The following LAIR2 variants were observed in gnomAD, a reference collection of about 807,000 sequenced individuals.
The protein encoded by LAIR2 is leukocyte-associated immunoglobulin-like receptor 2.
LAIR2 carries 14 observed loss-of-function variants against 14.8 expected under a neutral mutation model. That is an observed-to-expected ratio of 0.95 (90% CI 0.62 to 1.48). LAIR2 has a LOEUF of 1.48. Ranked by LOEUF, LAIR2 falls within the 40% of genes most tolerant of loss-of-function variation. The probability of loss-of-function intolerance (pLI) is 0.00; values close to 1 mark genes in which losing one functional copy is unlikely to be tolerated. For missense variants in LAIR2, 172 were observed against 180.9 expected, an observed-to-expected ratio of 0.95 and a Z score of 0.28; for synonymous variants, 75 against 74.5, an observed-to-expected ratio of 1.01 and a Z score of -0.03.
intron 1 of LAIR2, among the ~76,000 whole-genome samples, chr19:54,503,276 C>A (rs1386695121): frequency 2.0e-5 from 3 of 151,834 alleles, no homozygotes; most frequent in Admixed American, 2.0e-4. Flanking sequence ...GCCTGGCCAA[C>A]GTGGTGAAAC....
At chr19:54,510,368 T>C (rs1313258967) in intron 4 of LAIR2, among the ~76,000 whole-genome samples, 158 bp from the exon 5 acceptor site, 1 of 151,384 alleles carries the variant, frequency 6.6e-6, no homozygotes, top group African/African-American at 2.4e-5. Flanking sequence ...TGTCCCAAAT[T>C]CCTCATGTGA....
intron 2 of LAIR2, among the ~76,000 whole-genome samples, chr19:54,505,640 C>G (rs576926890): frequency 1.8e-4 from 28 of 152,028 alleles, no homozygotes; most frequent in African/African-American, 6.8e-4. Flanking sequence ...AGAGCCCTTC[C>G]CCTGTTTATC....
chr19:54,504,738 T>G (rs1266902554), intron 2 of LAIR2, among the ~76,000 whole-genome samples: 2 of 152,116 alleles, frequency 1.3e-5, no homozygotes, highest in African/African-American at 4.8e-5. Flanking sequence ...GCCTCTCGAG[T>G]AGCTGGGATT....
intron 2 of LAIR2, 67 bp downstream of exon 2, chr19:54,503,802 G>A: frequency 6.2e-7 from 1 of 1,607,296 alleles, no homozygotes; most frequent in Non-Finnish European, 8.5e-7. Context: ...CTGGGTGGGA[G>A]TGATGTTGAT....
intron 2 of LAIR2, among the ~76,000 whole-genome samples, chr19:54,507,506 C>T (rs2085386733): frequency 6.6e-6 from 1 of 152,124 alleles, no homozygotes; most frequent in South Asian, 2.1e-4. Context: ...CTTCCCTGTC[C>T]CTTGTCCTTC....
intron 1 of LAIR2, among the ~76,000 whole-genome samples, chr19:54,503,464 A>ACAC (rs113252011): frequency 1.5e-4 from 22 of 148,148 alleles, no homozygotes; most frequent in South Asian, 6.5e-4. Flanking sequence ...GTCTCCAACA[A>ACAC]CACCAAAAAG....
In LAIR2 at chr19:54,510,593, T is replaced by C. The variant is rs1339928296; in HGVS notation, c.*24T>C. 3.1e-6 allele frequency: 5 copies of C among 1,613,566 alleles called. No homozygotes were observed. The South Asian group carries it at 5.5e-5, about 18-fold the overall frequency. On this transcript the variant is annotated 3_prime_UTR_variant, in exon 5 of 5. Transcript: ENST00000301202. The stretch of plus-strand genomic sequence containing the variant: ...GAATGAGGAGAAATGGCCTCCCGTC[T>C]TGTGAACTTCAATGGGGAGAAATAA...
chr19:54,508,779 C>G (rs1194827750), intron 3 of LAIR2, among the ~76,000 whole-genome samples: 1 of 152,300 alleles, frequency 6.6e-6, no homozygotes, highest in Non-Finnish European at 1.5e-5. Context: ...TCATGTCCCC[C>G]CAGGACCTCA....
chr19:54,505,184 C>A (rs1478252270), intron 2 of LAIR2, among the ~76,000 whole-genome samples: 1 of 152,152 alleles, frequency 6.6e-6, no homozygotes. Flanking sequence ...CTCCACACAC[C>A]GATTTCCACA....
chr19:54,504,769 C>T (rs917146677), intron 2 of LAIR2, among the ~76,000 whole-genome samples: 1 of 152,086 alleles, frequency 6.6e-6, no homozygotes, highest in African/African-American at 2.4e-5. Context: ...GCCACCACGC[C>T]CAGCTAATTT....
chr19:54,510,197 T>C (rs1454488710), intron 4 of LAIR2, among the ~76,000 whole-genome samples: 1 of 143,992 alleles, frequency 6.9e-6, no homozygotes, highest in African/African-American at 2.7e-5. Context: ...CTCCCTCTCT[T>C]CTTCTCCTTC....
At chr19:54,505,581 T>C (rs893841765) in intron 2 of LAIR2, among the ~76,000 whole-genome samples, 19 of 152,148 alleles carry the variant, frequency 1.2e-4, no homozygotes, top group African/African-American at 4.6e-4. Flanking sequence ...TTAAATTGCA[T>C]TCAAAAATTT....
At chr19:54,505,361 C>A (rs1337674181) in intron 2 of LAIR2, among the ~76,000 whole-genome samples, 1 of 152,038 alleles carries the variant, frequency 6.6e-6, no homozygotes, top group Non-Finnish European at 1.5e-5. Context: ...GTCACCCAGT[C>A]CTGGTGATTT....
At chr19:54,503,770 C>G in intron 2 of LAIR2, 35 bp downstream of exon 2, 1 of 1,614,040 alleles carries the variant, frequency 6.2e-7, no homozygotes, top group Admixed American at 1.7e-5. Flanking sequence ...TCCCAGTCCC[C>G]TCTGTCACCC....
chr19:54,504,342 G>T (rs539141112), intron 2 of LAIR2, among the ~76,000 whole-genome samples: 1 of 152,200 alleles, frequency 6.6e-6, no homozygotes, highest in South Asian at 2.1e-4. Flanking sequence ...TGTAAACATT[G>T]TGGAAAGATT....
chr19:54,508,158 G>A lies in LAIR2; in HGVS notation c.338G>A (p.Ser113Asn). 1.2e-6 allele frequency: 2 copies of A among 1,613,234 alleles called. No homozygotes were observed. The highest frequency in any genetic ancestry group is 1.7e-6 in the Non-Finnish European group (2 of 1,179,764). The change falls in exon 3 of 5, where the codon AGT (serine) becomes AAT (asparagine). Residue 113 changes from serine (S) to asparagine (N), a missense_variant. Coordinates refer to ENST00000301202, the MANE Select transcript of LAIR2 (RefSeq NM_002288.6). ...YYKPPGWSEHSDFLELLVKES... is the reference protein window; with the variant it reads ...YYKPPGWSEHNDFLELLVKES... Reference sequence around the variant, plus strand: ...AAGCCCCCTGGATGGTCTGAGCACAGTGACTTCCTGGAGCTGCTGGTGAAA... The same window carrying A: ...AAGCCCCCTGGATGGTCTGAGCACAATGACTTCCTGGAGCTGCTGGTGAAA...
intron 2 of LAIR2, among the ~76,000 whole-genome samples, chr19:54,506,691 T>C (rs1260089599): frequency 6.6e-6 from 1 of 152,216 alleles, no homozygotes; most frequent in Admixed American, 6.5e-5. Flanking sequence ...TATGTGTTTC[T>C]CACATTTGCG....
chr19:54,507,174 C>T (rs1210616167), intron 2 of LAIR2, among the ~76,000 whole-genome samples: 1 of 151,030 alleles, frequency 6.6e-6, no homozygotes, highest in Admixed American at 6.6e-5. Flanking sequence ...GTCAAACCCG[C>T]CCTTCCTCCT....
chr19:54,504,579 C>T (rs1202503648), intron 2 of LAIR2, among the ~76,000 whole-genome samples: 5 of 152,088 alleles, frequency 3.3e-5, no homozygotes, highest in Admixed American at 2.0e-4. Flanking sequence ...TAGCATCATT[C>T]TAATCTCTAA....
Sources: gnomAD v4.1 joint callset for allele counts (sites outside exome capture counted in the v4.1 genomes callset) on GRCh38, gnomAD v4.1.1 for gene constraint, MANE v1.5 for transcripts, NCBI Gene and HGNC (gene_info 2026-07-23, HGNC 2026-07-21) for gene names.